ZNF892: variants seen among roughly 807,000 people sequenced by gnomAD.
The protein encoded by ZNF892 is zinc finger protein 892.
At chr2:95,210,362 T>TA in the ZNF892 span, among the ~76,000 whole-genome samples, 1 of 152,022 alleles carries the variant, frequency 6.6e-6, no homozygotes, top group Non-Finnish European at 1.5e-5. Context: ...TATTTTACTC[T>TA]AAGTTAAATT....
the ZNF892 span, among the ~76,000 whole-genome samples, chr2:95,251,686 T>C: frequency 6.6e-6 from 1 of 152,270 alleles, no homozygotes; most frequent in Non-Finnish European, 1.5e-5. Flanking sequence ...AGCCACAGGC[T>C]GGCGCCTGAT....
chr2:95,261,586 C>T, the ZNF892 span, among the ~76,000 whole-genome samples: 2 of 152,190 alleles, frequency 1.3e-5, no homozygotes, highest in South Asian at 2.1e-4. Flanking sequence ...TGAGCCACCA[C>T]GACTGGCCTC....
At chr2:95,243,724 G>A in the ZNF892 span, among the ~76,000 whole-genome samples, 1 of 150,526 alleles carries the variant, frequency 6.6e-6, no homozygotes, top group African/African-American at 2.4e-5. Context: ...GAGGTGCGGG[G>A]GTCAGCACCC....
the ZNF892 span, among the ~76,000 whole-genome samples, chr2:95,233,064 G>A: frequency 2.0e-5 from 3 of 152,256 alleles, no homozygotes; most frequent in Admixed American, 2.0e-4. Context: ...GACGACTTCA[G>A]GTCACCTCCT....
At chr2:95,215,432 TCA>T in the ZNF892 span, 1 of 441,148 alleles carries the variant, frequency 2.3e-6, no homozygotes. Flanking sequence ...ATCAGAAAAC[TCA>T]CACTGGAGAA....
chr2:95,213,659 A>G, the ZNF892 span, among the ~76,000 whole-genome samples: 4 of 152,208 alleles, frequency 2.6e-5, no homozygotes, highest in African/African-American at 7.2e-5. Flanking sequence ...GGTGATGGTA[A>G]GCAATCAGAG....
chr2:95,221,178 T>C, the ZNF892 span, among the ~76,000 whole-genome samples: 2 of 152,226 alleles, frequency 1.3e-5, no homozygotes, highest in African/African-American at 2.4e-5. Flanking sequence ...GTTTGTAAGC[T>C]ATCAGGTGCT....
chr2:95,227,419 G>A, the ZNF892 span, among the ~76,000 whole-genome samples: 1 of 151,900 alleles, frequency 6.6e-6, no homozygotes, highest in Non-Finnish European at 1.5e-5. Flanking sequence ...AACCTTCTGG[G>A]CTCAGGTGAT....
chr2:95,221,168 G>T, the ZNF892 span, among the ~76,000 whole-genome samples: 1 of 152,152 alleles, frequency 6.6e-6, no homozygotes, highest in East Asian at 1.9e-4. Context: ...TGCAAATGTG[G>T]TTTGTAAGCT....
chr2:95,234,020 G>A, the ZNF892 span, among the ~76,000 whole-genome samples: 1 of 152,190 alleles, frequency 6.6e-6, no homozygotes, highest in Non-Finnish European at 1.5e-5. Context: ...TGTGAAATAT[G>A]TGTGTCTTTT....
the ZNF892 span, chr2:95,212,425 G>C: frequency 2.5e-6 from 1 of 395,942 alleles, no homozygotes; most frequent in Admixed American, 4.4e-5. Context: ...CTCTGTGGAT[G>C]GTTATCTGTT....
the ZNF892 span, among the ~76,000 whole-genome samples, chr2:95,256,296 G>C: frequency 6.6e-6 from 1 of 152,266 alleles, no homozygotes; most frequent in East Asian, 1.9e-4. Context: ...GCATTTGCTT[G>C]TCTGTAAAGG....
the ZNF892 span, among the ~76,000 whole-genome samples, chr2:95,234,017 T>G: frequency 6.6e-6 from 1 of 152,186 alleles, no homozygotes; most frequent in African/African-American, 2.4e-5. Flanking sequence ...TTTTGTGAAA[T>G]ATGTGTGTCT....
the ZNF892 span, among the ~76,000 whole-genome samples, chr2:95,245,408 G>A: frequency 5.0e-5 from 7 of 139,618 alleles, no homozygotes; most frequent in Admixed American, 2.2e-4. Context: ...CACCACACCC[G>A]GCTAATTTTT....
chr2:95,248,539 T>G, the ZNF892 span, among the ~76,000 whole-genome samples: 1 of 152,054 alleles, frequency 6.6e-6, no homozygotes, highest in Non-Finnish European at 1.5e-5. Flanking sequence ...CACAACAAAT[T>G]ATTTTGATAG....
chr2:95,238,967 C>T, the ZNF892 span, among the ~76,000 whole-genome samples: 5 of 151,946 alleles, frequency 3.3e-5, no homozygotes, highest in African/African-American at 1.2e-4. Flanking sequence ...GGTAAAACCC[C>T]GTCTCTACTA....
the ZNF892 span, among the ~76,000 whole-genome samples, chr2:95,219,271 G>T: frequency 6.6e-6 from 1 of 151,860 alleles, no homozygotes; most frequent in Non-Finnish European, 1.5e-5. Flanking sequence ...CTCCCAAAGT[G>T]CTGGGATTAC....
At chr2:95,250,695 A>T in the ZNF892 span, among the ~76,000 whole-genome samples, 1 of 142,530 alleles carries the variant, frequency 7.0e-6, no homozygotes, top group African/African-American at 2.5e-5. Context: ...TTCATAAATT[A>T]TAAATTTATA....
the ZNF892 span, chr2:95,259,716 G>C: frequency 1.3e-5 from 2 of 152,366 alleles, no homozygotes; most frequent in Admixed American, 1.3e-4. Flanking sequence ...GGCTTCACTT[G>C]TGATCTATTC....
Sources: gnomAD v4.1 joint callset for allele counts (sites outside exome capture counted in the v4.1 genomes callset) on GRCh38, gnomAD v4.1.1 for gene constraint, MANE v1.5 for transcripts, NCBI Gene and HGNC (gene_info 2026-07-23, HGNC 2026-07-21) for gene names.